Variants in DNAH8 observed in about 807,000 individuals in gnomAD.
The protein encoded by DNAH8 is axonemal beta dynein heavy chain 8.
Under a neutral mutation model 562.1 loss-of-function variants are expected in DNAH8, and 382 were observed. That is an observed-to-expected ratio of 0.68 (90% CI 0.63 to 0.74). The LOEUF (loss-of-function observed/expected upper bound fraction) is 0.74. DNAH8 is among the 30% of genes least tolerant of loss of function. DNAH8 has a pLI of 0.00. For synonymous variants in DNAH8, 1,881 were observed against 1,919.4 expected (o/e 0.98, Z 0.52); for missense variants, 5,203 against 5,620.4 (o/e 0.93, Z 2.37).
At chr6:38,971,251 A>G (rs891349204) in intron 82 of DNAH8, among the ~76,000 whole-genome samples, 5 of 152,156 alleles carry the variant, frequency 3.3e-5, no homozygotes, top group African/African-American at 9.7e-5. Context: ...CTTTTTCCCT[A>G]CAAATACCTG....
chr6:39,000,539 G>A lies in DNAH8; in HGVS notation c.13215-8275G>A, dbSNP rs751262401. Among the ~76,000 whole-genome samples the A allele has an allele frequency of 2.0e-4, 31 of 152,146 alleles. 1 individual carries two copies. The highest frequency in any genetic ancestry group is 1.3e-3 in the Admixed American group (20 of 15,278). ...TTCTCATAGGAGCGAGAACCCTACC[G>A]TGAACTGCGCATGCCAGGGACCTAG... On this transcript the variant is annotated intron_variant, in intron 88 of 92. Coordinates refer to ENST00000327475, the MANE Select transcript of DNAH8 (RefSeq NM_001206927.2).
chr6:38,863,568 C>T (rs942709905), intron 44 of DNAH8, among the ~76,000 whole-genome samples: 2 of 152,174 alleles, frequency 1.3e-5, no homozygotes, highest in Non-Finnish European at 2.9e-5. Context: ...TCCTTTACTC[C>T]GCTCTTTCTC....
chr6:39,025,959 A>G (rs1297693256), intron 91 of DNAH8, among the ~76,000 whole-genome samples: 1 of 152,228 alleles, frequency 6.6e-6, no homozygotes, highest in Non-Finnish European at 1.5e-5. Context: ...GCCACAGTGT[A>G]CGTAACTGCA....
intron 21 of DNAH8, among the ~76,000 whole-genome samples, chr6:38,802,520 A>G (rs970914983): frequency 2.6e-5 from 4 of 152,224 alleles, no homozygotes; most frequent in Non-Finnish European, 5.9e-5. Flanking sequence ...TTCTTCCTAA[A>G]GCATTTGCTA....
intron 92 of DNAH8, among the ~76,000 whole-genome samples, chr6:39,027,008 C>T (rs547986646): frequency 6.6e-6 from 1 of 151,970 alleles, no homozygotes; most frequent in East Asian, 1.9e-4. Flanking sequence ...ATTGCTTGAG[C>T]CCAGGAGTTC....
In DNAH8 at chr6:39,012,367, G is replaced by C. The variant is rs1229430586; in HGVS notation, c.13524G>C (p.Glu4508Asp). 6.2e-7 allele frequency: 1 copy of C among 1,611,276 alleles called. No homozygotes were observed. The highest frequency in any genetic ancestry group is 8.5e-7 in the Non-Finnish European group (1 of 1,177,780). Reference sequence around the variant, plus strand: ...TTGAAGGAACAATCATTATGAGTGAGGTGAGCTGTTATTACATCAGTAGGC... The same window carrying C: ...TTGAAGGAACAATCATTATGAGTGACGTGAGCTGTTATTACATCAGTAGGC... Reference protein sequence around the residue: ...LAIEGTIIMSENLRDALDNMY... With the variant: ...LAIEGTIIMSDNLRDALDNMY... The change falls in exon 90 of 93, where the codon GAG (glutamate) becomes GAC (aspartate). Residue 4508 changes from glutamate to aspartate, a missense_variant and splice_region_variant. Physicochemically the swap from Glu to Asp is conservative, Grantham distance 45 (BLOSUM62 2). Around this residue, in one of 6 missense-constraint regions of DNAH8, gnomAD observed 1,399 missense variants for 1,518.4 expected, o/e 0.92. Coordinates refer to ENST00000327475, the MANE Select transcript of DNAH8 (RefSeq NM_001206927.2).
intron 74 of DNAH8, 87 bp downstream of exon 74, chr6:38,926,297 T>C (rs1782116927): frequency 7.0e-7 from 1 of 1,430,144 alleles, no homozygotes; most frequent in Non-Finnish European, 9.5e-7. Flanking sequence ...CATAAAGTTG[T>C]CATCTCCATG....
chr6:38,842,615 C>T (rs1412126242), intron 34 of DNAH8, 48 bp from the exon 35 acceptor site: 2 of 1,594,958 alleles, frequency 1.3e-6, no homozygotes, highest in South Asian at 1.2e-5. Context: ...AAACCTTCCT[C>T]AAATAAATGT....
chr6:38,833,288 T>C (rs1392360503), intron 31 of DNAH8, among the ~76,000 whole-genome samples: 1 of 152,146 alleles, frequency 6.6e-6, no homozygotes, highest in Non-Finnish European at 1.5e-5. Context: ...ATTTGCTGCC[T>C]CATTCTATTG....
chr6:38,815,463 C>T lies in DNAH8; in HGVS notation c.3334-5C>T. On this transcript the variant is annotated splice_region_variant and splice_polypyrimidine_tract_variant and intron_variant, in intron 25 of 92. Coordinates refer to ENST00000327475, the MANE Select transcript of DNAH8 (RefSeq NM_001206927.2). Reference sequence around the variant, plus strand: ...GTATTACACATTTGTTTCTTCTTTCCACAGGTGATGATTCCTAGTTTGGAT... The same window carrying T: ...GTATTACACATTTGTTTCTTCTTTCTACAGGTGATGATTCCTAGTTTGGAT... 1 of 1,610,218 alleles carries T rather than the reference C, an allele frequency of 6.2e-7. No homozygotes were observed. Among genetic ancestry groups the T allele is most frequent in the Non-Finnish European group, 8.5e-7 (1 of 1,176,944 alleles).
At chr6:38,944,781 C>T (rs368284782) in intron 79 of DNAH8, among the ~76,000 whole-genome samples, 11 of 152,120 alleles carry the variant, frequency 7.2e-5, no homozygotes, top group African/African-American at 9.7e-5. Context: ...TGTCAAACAC[C>T]TGGAGGGCGC....
chr6:38,756,760 A>C (rs1297584806), intron 10 of DNAH8, among the ~76,000 whole-genome samples: 1 of 148,726 alleles, frequency 6.7e-6, no homozygotes, highest in Non-Finnish European at 1.5e-5. Flanking sequence ...TCTAAGTGAG[A>C]ACATGCGGTG....
chr6:38,872,605 G>T lies in DNAH8; in HGVS notation c.7060G>T (p.Val2354Phe). Reference protein sequence around the residue: ...LGPSGSGKTTVITILMKAQTE... With the variant: ...LGPSGSGKTTFITILMKAQTE... ...GCCCAGTGGTTCTGGAAAGACAACC[G>T]TTATCACGATTCTAATGAAGGCGCA... Residue 2354 changes from valine (V) to phenylalanine (F), a missense_variant, in exon 50 of 93, where the codon GTT becomes TTT. Transcript: ENST00000327475. The T allele has an allele frequency of 6.2e-7, 1 of 1,614,058 alleles. No homozygotes were observed. Among genetic ancestry groups the T allele is most frequent in the South Asian group, 1.1e-5 (1 of 91,078 alleles).
At chr6:38,811,545 G>C (rs550849769) in intron 24 of DNAH8, among the ~76,000 whole-genome samples, 1 of 152,238 alleles carries the variant, frequency 6.6e-6, no homozygotes, top group South Asian at 2.1e-4. Flanking sequence ...TTATCCTCCA[G>C]ATATGGTATT....
intron 58 of DNAH8, among the ~76,000 whole-genome samples, chr6:38,894,058 T>C (rs571303069): frequency 6.6e-6 from 1 of 152,294 alleles, no homozygotes; most frequent in East Asian, 1.9e-4. Context: ...GTCTTTGTGC[T>C]CAAACAGAAA....
intron 91 of DNAH8, among the ~76,000 whole-genome samples, chr6:39,017,213 A>G: frequency 6.6e-6 from 1 of 151,656 alleles, no homozygotes; most frequent in Non-Finnish European, 1.5e-5. Context: ...TTCCCACATT[A>G]TTTAAGATTG....
At chr6:38,730,249 A>G (rs927436679) in intron 4 of DNAH8, among the ~76,000 whole-genome samples, 1 of 152,164 alleles carries the variant, frequency 6.6e-6, no homozygotes, top group African/African-American at 2.4e-5. Flanking sequence ...ATTAGAATTT[A>G]ATTGCATTTT....
intron 82 of DNAH8, among the ~76,000 whole-genome samples, chr6:38,968,251 T>C (rs1175556186): frequency 6.6e-6 from 1 of 152,166 alleles, no homozygotes; most frequent in African/African-American, 2.4e-5. Flanking sequence ...GTTTTCTAGA[T>C]ATGAAACCAA....
In DNAH8 at chr6:38,852,752, A is replaced by G. The variant is rs566394706; in HGVS notation, c.5525A>G (p.Tyr1842Cys). ...INEVTFHAKD[Y>C]DRIMAVISRE... is the part of the protein sequence containing the mutation. ...GAGGTGACATTTCATGCAAAAGACT[A>G]TGATCGCATCATGGCCGTCATATCA... Residue 1842 changes from tyrosine (Y) to cysteine (C), a missense_variant, in exon 40 of 93, where the codon TAT becomes TGT. Physicochemically the swap from Tyr to Cys is radical, Grantham distance 194 (BLOSUM62 -2). This residue lies in a region of DNAH8 where 2,176 missense variants were observed against 2,365.1 expected (regional missense o/e 0.92). Transcript: ENST00000327475. 54 of 1,613,878 alleles carry G rather than the reference A, an allele frequency of 3.3e-5. 2 individuals carry two copies. The South Asian group carries it at 5.3e-4, about 16-fold the overall frequency.
Sources: gnomAD v4.1 joint callset for allele counts (sites outside exome capture counted in the v4.1 genomes callset) on GRCh38, gnomAD v4.1.1 for gene constraint, gnomAD v4.1.1 regional missense constraint, MANE v1.5 for transcripts, NCBI Gene and HGNC (gene_info 2026-07-23, HGNC 2026-07-21) for gene names.